Variants in ANKS1B observed in about 807,000 individuals in gnomAD.
The protein encoded by ANKS1B is ankyrin repeat and sterile alpha motif domain containing 1B, also known as ankyrin repeat and sterile alpha motif domain-containing protein 1B.
A neutral mutation model predicts 148.3 loss-of-function variants in ANKS1B; 36 were observed. The observed-to-expected ratio is 0.24, with a 90% CI of 0.19 to 0.32. ANKS1B has a LOEUF of 0.32. Ranked by LOEUF, ANKS1B falls within the 10% of genes least tolerant of loss-of-function variation. The pLI is 1.00. For missense variants in ANKS1B, 1,157 were observed against 1,542.6 expected (o/e 0.75, Z 4.19); for synonymous variants, 542 against 560.8 (o/e 0.97, Z 0.47).
intron 12 of ANKS1B, among the ~76,000 whole-genome samples, chr12:99,377,071 G>T (rs11109817): frequency 2.1e-3 from 320 of 151,556 alleles, no homozygotes; most frequent in African/African-American, 7.3e-3. Context: ...GCCGTGGTGC[G>T]ATCTTGGCCC....
downstream of ANKS1B, chr12:98,743,958 C>G (rs955847083): frequency 1.0e-6 from 1 of 968,774 alleles, no homozygotes; most frequent in African/African-American, 1.8e-5. Flanking sequence ...GCTCACAGAA[C>G]GATGCCAAGC....
At chr12:99,025,671 G>A (rs1482699067) in intron 17 of ANKS1B, among the ~76,000 whole-genome samples, 2 of 152,144 alleles carry the variant, frequency 1.3e-5, no homozygotes, top group East Asian at 3.8e-4. Context: ...ACAAAATGGA[G>A]CCCACCAGGA....
At chr12:99,515,719 T>C (rs2096812174) in intron 9 of ANKS1B, among the ~76,000 whole-genome samples, 2 of 152,132 alleles carry the variant, frequency 1.3e-5, no homozygotes, top group Non-Finnish European at 2.9e-5. Flanking sequence ...CTGAATTACA[T>C]GATAGCTCCC....
chr12:99,897,610 C>T (rs2093429487), intron 1 of ANKS1B, among the ~76,000 whole-genome samples: 1 of 151,076 alleles, frequency 6.6e-6, no homozygotes. Context: ...TCAGCAGCTA[C>T]TAGAATAAAA....
chr12:99,870,311 T>C (rs959454999), intron 1 of ANKS1B, among the ~76,000 whole-genome samples: 1 of 152,222 alleles, frequency 6.6e-6, no homozygotes, highest in African/African-American at 2.4e-5. Flanking sequence ...CCACTGTATA[T>C]ACGTATATTT....
intron 12 of ANKS1B, among the ~76,000 whole-genome samples, chr12:99,314,671 G>T (rs1467277283): frequency 6.6e-6 from 1 of 152,160 alleles, no homozygotes; most frequent in Non-Finnish European, 1.5e-5. Flanking sequence ...ATAGGGAAAT[G>T]ATTTCCTATT....
At chr12:99,943,157 A>C (rs936998799) in intron 1 of ANKS1B, among the ~76,000 whole-genome samples, 3 of 152,218 alleles carry the variant, frequency 2.0e-5, no homozygotes, top group African/African-American at 4.8e-5. Context: ...GTAAAAAATG[A>C]AACTCTGATC....
chr12:99,225,542 A>C (rs1040926061), intron 14 of ANKS1B, among the ~76,000 whole-genome samples: 1 of 152,178 alleles, frequency 6.6e-6, no homozygotes, highest in Admixed American at 6.5e-5. Context: ...TGGGAGAGGC[A>C]GATCACCCTC....
At chr12:99,670,824 C>A (rs2098534387) in intron 8 of ANKS1B, among the ~76,000 whole-genome samples, 1 of 152,038 alleles carries the variant, frequency 6.6e-6, no homozygotes, top group Admixed American at 6.6e-5. Flanking sequence ...ACAGAGTTTG[C>A]ATGATTAAGG....
intron 16 of ANKS1B, chr12:99,083,645 A>C: frequency 6.6e-6 from 1 of 152,202 alleles, no homozygotes; most frequent in East Asian, 1.9e-4. Flanking sequence ...CATAACATAA[A>C]ACTTACCATC....
chr12:99,937,743 A>G (rs2094816338), intron 1 of ANKS1B, among the ~76,000 whole-genome samples: 1 of 152,108 alleles, frequency 6.6e-6, no homozygotes, highest in Non-Finnish European at 1.5e-5. Context: ...GAAAAGGGGT[A>G]TTTATTTTCT....
intron 17 of ANKS1B, among the ~76,000 whole-genome samples, chr12:98,979,153 AT>A (rs891606525): frequency 1.3e-5 from 2 of 151,268 alleles, no homozygotes; most frequent in South Asian, 2.1e-4. Flanking sequence ...AAAAAAAGAA[AT>A]TTTTTTTTAA....
intron 11 of ANKS1B, among the ~76,000 whole-genome samples, chr12:99,425,892 C>G (rs1345147246): frequency 1.3e-5 from 2 of 148,638 alleles, no homozygotes; most frequent in African/African-American, 4.9e-5. Flanking sequence ...TTTTTTGATG[C>G]AAGGCAACTT....
intron 17 of ANKS1B, among the ~76,000 whole-genome samples, chr12:98,848,523 C>T (rs2099496860): frequency 6.6e-6 from 1 of 151,776 alleles, no homozygotes. Context: ...CCCTGAAATC[C>T]CTGGTTCAAA....
intron 9 of ANKS1B, among the ~76,000 whole-genome samples, chr12:99,600,748 T>C (rs1401104471): frequency 6.6e-6 from 1 of 152,052 alleles, no homozygotes; most frequent in Non-Finnish European, 1.5e-5. Context: ...CTTAATCTAA[T>C]CTAAACTGCA....
intron 12 of ANKS1B, among the ~76,000 whole-genome samples, chr12:99,366,447 C>A (rs2092773720): frequency 6.6e-6 from 1 of 152,088 alleles, no homozygotes; most frequent in Non-Finnish European, 1.5e-5. Context: ...TGCTTTATAT[C>A]CCTGTGTTGT....
At chr12:99,282,685 C>CA (rs1170139551) in intron 12 of ANKS1B, among the ~76,000 whole-genome samples, 3 of 151,252 alleles carry the variant, frequency 2.0e-5, no homozygotes, top group African/African-American at 2.4e-5. Context: ...TGTGCCATAT[C>CA]AAAAAAAAGA....
chr12:98,865,288 T>A (rs531402068), intron 17 of ANKS1B, among the ~76,000 whole-genome samples: 33 of 152,324 alleles, frequency 2.2e-4, no homozygotes, highest in African/African-American at 7.0e-4. Context: ...TTCTTGTTCC[T>A]CTTGCTTAGT....
chr12:99,560,813 G>A (rs976002611), intron 9 of ANKS1B, among the ~76,000 whole-genome samples: 1 of 147,700 alleles, frequency 6.8e-6, no homozygotes, highest in Non-Finnish European at 1.5e-5. Context: ...GAAGATTGGG[G>A]TTGCAATGGC....
Sources: allele counts gnomAD v4.1 joint callset (sites outside exome capture counted in the v4.1 genomes callset), GRCh38; gene constraint gnomAD v4.1.1; transcripts MANE v1.5; gene names NCBI Gene and HGNC (gene_info 2026-07-23, HGNC 2026-07-21).